TFAP2B: variants seen among roughly 807,000 people sequenced by gnomAD.
The protein encoded by TFAP2B is transcription factor AP-2 beta, also known as transcription factor AP-2-beta.
Under a neutral mutation model 44.3 loss-of-function variants are expected in TFAP2B, and 9 were observed. That is an observed-to-expected ratio of 0.20 (90% CI 0.12 to 0.35). The LOEUF (loss-of-function observed/expected upper bound fraction) is 0.35. Ranked by LOEUF, TFAP2B falls within the 10% of genes least tolerant of loss-of-function variation. The pLI is 1.00. For missense variants in TFAP2B, 509 were observed against 600.0 expected (o/e 0.85, Z 1.59); for synonymous variants, 270 against 263.8 (o/e 1.02, Z -0.23).
At chr6:50,819,863 C>A (rs953287550) in intron 1 of TFAP2B, among the ~76,000 whole-genome samples, 1 of 150,940 alleles carries the variant, frequency 6.6e-6, no homozygotes, top group Non-Finnish European at 1.5e-5. Context: ...GAGAGGCGGG[C>A]GAGGTGGGAG....
intron 1 of TFAP2B, 133 bp downstream of exon 1, chr6:50,819,105 CTT>C (rs1433290621): frequency 5.4e-5 from 49 of 901,264 alleles, no homozygotes; most frequent in Non-Finnish European, 8.2e-5. Flanking sequence ...CTTTTTTTAA[CTT>C]TTAGAAAAGC....
At chr6:50,842,863 G>T (rs750162366) in intron 6 of TFAP2B, among the ~76,000 whole-genome samples, 6 of 152,218 alleles carry the variant, frequency 3.9e-5, no homozygotes, top group Non-Finnish European at 7.3e-5. Context: ...TCGGGGGAAG[G>T]CAAGGCTTTG....
intron 3 of TFAP2B, 143 bp from the exon 4 acceptor site, chr6:50,835,918 G>A (rs1019405907): frequency 5.1e-6 from 4 of 778,602 alleles, no homozygotes; most frequent in Admixed American, 3.5e-5. Flanking sequence ...TGAACGCACT[G>A]CAGCCCCACT....
At chr6:50,835,628 G>C (rs945865290) in intron 3 of TFAP2B, among the ~76,000 whole-genome samples, 2 of 152,280 alleles carry the variant, frequency 1.3e-5, no homozygotes, top group Non-Finnish European at 2.9e-5. Context: ...GATAATCACC[G>C]TCAGGCTTCA....
At chr6:50,829,605 C>T (rs895742421) in intron 3 of TFAP2B, among the ~76,000 whole-genome samples, 3 of 152,144 alleles carry the variant, frequency 2.0e-5, no homozygotes, top group South Asian at 2.1e-4. Flanking sequence ...TCATGGATGT[C>T]GAAGAAATTC....
In TFAP2B at chr6:50,823,499, C is replaced by G. The variant is rs904293305; in HGVS notation, c.174C>G (p.Ser58=). 13 of 1,613,542 alleles carry G rather than the reference C, an allele frequency of 8.1e-6. No homozygotes were observed. The highest frequency in any genetic ancestry group is 1.1e-5 in the Non-Finnish European group (13 of 1,179,892). ...CCTACTCGAGCGCCCCGCCGCTGTC[C>G]CACACCCCGTCGTCGGACTTCCAGC... is the stretch of plus-strand genomic sequence containing the variant. ...QGPYSSAPPL[S]HTPSSDFQPP... Residue 58 remains serine (S), a synonymous_variant, in exon 2 of 7, where the codon TCC becomes TCG. Transcript: ENST00000393655.
intron 2 of TFAP2B, 87 bp downstream of exon 2, chr6:50,823,952 C>G: frequency 1.4e-6 from 2 of 1,405,962 alleles, no homozygotes; most frequent in Non-Finnish European, 1.9e-6. Context: ...GAGGGCAGCT[C>G]TGTCTCTTTT....
chr6:50,836,938 G>A (rs566891616), intron 4 of TFAP2B, among the ~76,000 whole-genome samples: 1 of 152,300 alleles, frequency 6.6e-6, no homozygotes, highest in African/African-American at 2.4e-5. Context: ...GTATTCCACA[G>A]CCCAGAGACT....
In TFAP2B at chr6:50,847,229, A is replaced by G. The variant is rs771643737; in HGVS notation, c.*3837A>G. 1.3e-5 allele frequency: 2 copies of G among 152,530 alleles called. No homozygotes were observed. The highest frequency in any genetic ancestry group is 6.5e-5 in the Admixed American group (1 of 15,272). 9.4% of individuals were successfully genotyped at this position (152,530 alleles called of 1,614,324 possible). On this transcript the variant is annotated 3_prime_UTR_variant, in exon 7 of 7. Transcript: ENST00000393655. Reference sequence around the variant, plus strand: ...ATTTTTTTTTAACGGAATGAACACTATCCTTCTTTAAATGCCAAAATCGAC... The same window carrying G: ...ATTTTTTTTTAACGGAATGAACACTGTCCTTCTTTAAATGCCAAAATCGAC...
At chr6:50,840,333 C>T (rs758632097) in intron 6 of TFAP2B, 36 bp downstream of exon 6, 1 of 1,610,762 alleles carries the variant, frequency 6.2e-7, no homozygotes, top group Non-Finnish European at 8.5e-7. Context: ...CATCTCACTC[C>T]CAGCTGGCTA....
chr6:50,834,578 G>T (rs1486825277), intron 3 of TFAP2B, among the ~76,000 whole-genome samples: 1 of 152,170 alleles, frequency 6.6e-6, no homozygotes. Context: ...AACTATGGAG[G>T]TTTGTATACT....
intron 3 of TFAP2B, among the ~76,000 whole-genome samples, chr6:50,830,823 A>G (rs552664425): frequency 1.3e-5 from 2 of 152,258 alleles, no homozygotes; most frequent in South Asian, 2.1e-4. Context: ...CATCTCCCCA[A>G]TTATGAGAGA....
In TFAP2B at chr6:50,843,075, C is replaced by T; in HGVS notation, c.1083-17C>T. ...ACACTGAGGGTGATTTTCTGTGCCT[C>T]GCCCACCCCTTTGCAGGCAACTTTG... On this transcript the variant is annotated splice_polypyrimidine_tract_variant and intron_variant, in intron 6 of 6. Coordinates refer to ENST00000393655, the MANE Select transcript of TFAP2B (RefSeq NM_003221.4). 3 of 1,614,182 alleles carry T rather than the reference C, an allele frequency of 1.9e-6. No individual in the cohort carries two copies. The highest frequency in any genetic ancestry group is 2.2e-5 in the East Asian group (1 of 44,880).
At chr6:50,823,897 AAAG>A in intron 2 of TFAP2B, 32 bp downstream of exon 2, 1 of 1,526,336 alleles carries the variant, frequency 6.6e-7, no homozygotes, top group Non-Finnish European at 8.8e-7. Context: ...AACAAACAAA[AAAG>A]ACCACGAATA....
At chr6:50,841,846 C>T (rs959079638) in intron 6 of TFAP2B, among the ~76,000 whole-genome samples, 1 of 152,190 alleles carries the variant, frequency 6.6e-6, no homozygotes, top group East Asian at 1.9e-4. Flanking sequence ...AAGGGAGAAT[C>T]GAGGGTGCCT....
At chr6:50,827,954 CTGCCTTCCTAACAGG>C (rs1770573664) in intron 2 of TFAP2B, among the ~76,000 whole-genome samples, 2 of 152,146 alleles carry the variant, frequency 1.3e-5, no homozygotes, top group Non-Finnish European at 2.9e-5. Flanking sequence ...TCTGTAGTTA[CTGCCTTCCTAACAGG>C]TGTGCTCCTT....
chr6:50,843,048 C>T (rs1561967346), intron 6 of TFAP2B, 44 bp from the exon 7 acceptor site: 2 of 1,612,680 alleles, frequency 1.2e-6, no homozygotes, highest in Admixed American at 1.7e-5. Flanking sequence ...CCAATGACAA[C>T]GACACTGAGG....
Position 50,821,164 on chromosome 6 carries a change from T to C in TFAP2B, c.81+2192T>C, listed in dbSNP as rs372912492. On this transcript the variant is annotated intron_variant, in intron 1 of 6. Transcript: ENST00000393655. ...TGCCCCTGGCTTTGCCTGGAAAGGA[T>C]AAGTTTAGTGTATTTGAAGATTGAT... Among the ~76,000 whole-genome samples, 9 of 152,312 alleles carry C rather than the reference T, an allele frequency of 5.9e-5. No individual in the cohort carries two copies. In the East Asian group the frequency reaches 1.4e-3, roughly 23 times the overall value.
At chr6:50,841,703 G>T (rs1762736217) in intron 6 of TFAP2B, among the ~76,000 whole-genome samples, 1 of 152,128 alleles carries the variant, frequency 6.6e-6, no homozygotes, top group Admixed American at 6.5e-5. Flanking sequence ...CTGGAGGTGG[G>T]GGCCTGGGAG....
Sources: gnomAD v4.1 joint callset for allele counts (sites outside exome capture counted in the v4.1 genomes callset) on GRCh38, gnomAD v4.1.1 for gene constraint, MANE v1.5 for transcripts, NCBI Gene and HGNC (gene_info 2026-07-23, HGNC 2026-07-21) for gene names.